SCLY: variants seen among roughly 807,000 people sequenced by gnomAD.
The protein encoded by SCLY is putative selenocysteine lyase.
SCLY carries 38 observed loss-of-function variants against 50.1 expected under a neutral mutation model. The ratio of observed to expected loss-of-function variants is 0.76; its 90% CI spans 0.59 to 0.99. SCLY has a LOEUF of 0.99. Among genes scored for constraint, SCLY ranks in the 50% least tolerant of loss-of-function variants. The probability of loss-of-function intolerance (pLI) is 0.00; values close to 1 mark genes in which losing one functional copy is unlikely to be tolerated. For missense variants in SCLY, 600 were observed against 620.0 expected, an observed-to-expected ratio of 0.97 and a Z score of 0.34; for synonymous variants, 243 against 249.4, an observed-to-expected ratio of 0.97 and a Z score of 0.24.
chr2:238,074,723 T>TC (rs1299272718), intron 4 of SCLY, among the ~76,000 whole-genome samples: 2 of 152,120 alleles, frequency 1.3e-5, no homozygotes, highest in Admixed American at 1.3e-4. Flanking sequence ...CCTCAGGTGA[T>TC]CCCCCCGACT....
In SCLY at chr2:238,098,624, C is replaced by T. The variant is rs1375310498; in HGVS notation, c.*269C>T. On this transcript the variant is annotated 3_prime_UTR_variant, in exon 12 of 12. Transcript: ENST00000254663. The stretch of plus-strand genomic sequence containing the variant: ...CCACATAGGACCGCCCACATGGGAC[C>T]GCCCACATGGGACCGCCCACATGGG... 2.9e-6 allele frequency: 1 copy of T among 349,536 alleles called. No individual in the cohort carries two copies. The highest frequency in any genetic ancestry group is 5.3e-6 in the Non-Finnish European group (1 of 187,142). The allele number at this position is 349,536 out of a possible 1,614,324, so 21.7% of individuals were successfully genotyped here.
chr2:238,089,647 G>A (rs909323118), intron 7 of SCLY, among the ~76,000 whole-genome samples: 6 of 105,690 alleles, frequency 5.7e-5, no homozygotes, highest in African/African-American at 6.8e-5. Flanking sequence ...TTTTTTTTGC[G>A]ATTTTTTTTT....
At position 238,094,511 on chromosome 2, in the gene SCLY, C is replaced by G. The variant is rs558501161; in HGVS notation, c.1097C>G (p.Pro366Arg). 3.5e-5 allele frequency: 57 copies of G among 1,613,936 alleles called. No homozygotes were observed. Among genetic ancestry groups the G allele is most frequent in the Non-Finnish European group, 4.2e-5 (49 of 1,179,936 alleles). ...ACCTGTAACTTTTCCATCCGGGGACCCCGGCTTCAAGGTGATGGCCCCTCA... is the reference window on the plus strand; with the variant it reads ...ACCTGTAACTTTTCCATCCGGGGACGCCGGCTTCAAGGTGATGGCCCCTCA... ...PNTCNFSIRG[P>R]RLQGHVVLAQ... Residue 366 changes from proline to arginine, a missense_variant, in exon 10 of 12, where the codon CCC becomes CGC. By Grantham distance (103) the Pro-to-Arg change is moderately radical (BLOSUM62 -2). Transcript: ENST00000254663.
chr2:238,081,932 C>T (rs996089952), intron 5 of SCLY, 96 bp downstream of exon 5: 6 of 1,574,676 alleles, frequency 3.8e-6, no homozygotes, highest in South Asian at 2.3e-5. Flanking sequence ...TGGCCTCTCC[C>T]GTTTCTCTGT....
At chr2:238,091,559 A>T in intron 8 of SCLY, 49 of 322,428 alleles carry the variant, frequency 1.5e-4, no homozygotes, top group South Asian at 3.4e-4. Flanking sequence ...CCATTCCCAA[A>T]GGCGTCGGCA....
rs1691383490 is a variant in SCLY, at chr2:238,099,118, A to T, written c.*763A>T. 1 of 269,124 alleles carries T rather than the reference A, an allele frequency of 3.7e-6. No individual in the cohort carries two copies. Among genetic ancestry groups the T allele is most frequent in the African/African-American group, 6.4e-5 (1 of 15,720 alleles). The allele number at this position is 269,124 out of a possible 1,614,324, so 16.7% of individuals were successfully genotyped here. The stretch of plus-strand genomic sequence containing the variant: ...TCCTGTCTTGTCCCTTTTGATCATT[A>T]TTAACTCAGGGTTTCAGCTCCAACC... On this transcript the variant is annotated 3_prime_UTR_variant, in exon 12 of 12. Coordinates refer to ENST00000254663, the MANE Select transcript of SCLY (RefSeq NM_016510.7).
At chr2:238,090,352 A>C (rs886670976) in intron 7 of SCLY, among the ~76,000 whole-genome samples, 4 of 152,192 alleles carry the variant, frequency 2.6e-5, no homozygotes, top group African/African-American at 9.6e-5. Context: ...TGTTCAGGCA[A>C]ACTTAAGAAA....
At chr2:238,064,213 T>TCATTTA in intron 1 of SCLY, 144 bp from the exon 2 acceptor site, 1 of 411,864 alleles carries the variant, frequency 2.4e-6, no homozygotes, top group South Asian at 6.7e-5. Flanking sequence ...AAGTGCAGCT[T>TCATTTA]GTGGATGCCT....
intron 4 of SCLY, among the ~76,000 whole-genome samples, chr2:238,077,547 A>G (rs1295786243): frequency 6.6e-6 from 1 of 152,228 alleles, no homozygotes; most frequent in African/African-American, 2.4e-5. Context: ...CCAGGAGGTA[A>G]GACCACCTCA....
intron 1 of SCLY, among the ~76,000 whole-genome samples, chr2:238,062,053 G>A (rs2065023863): frequency 6.6e-6 from 1 of 152,206 alleles, no homozygotes; most frequent in Non-Finnish European, 1.5e-5. Flanking sequence ...AGTGGAGCGA[G>A]ATTCCCAAGA....
In SCLY at chr2:238,099,296, C is replaced by T; in HGVS notation, c.*941C>T. The T allele has an allele frequency of 2.1e-6, 1 of 471,780 alleles. No individual in the cohort carries two copies. The highest frequency in any genetic ancestry group is 4.4e-6 in the Non-Finnish European group (1 of 227,182). 29.2% of individuals were successfully genotyped at this position (471,780 alleles called of 1,614,324 possible). ...CACATGTCGATATTTGCATAGGAGT[C>T]ATTTTCAGTGGAATAACATTTTTAA... is the stretch of plus-strand genomic sequence containing the variant. On this transcript the variant is annotated 3_prime_UTR_variant, in exon 12 of 12. Coordinates refer to ENST00000254663, the MANE Select transcript of SCLY (RefSeq NM_016510.7).
chr2:238,087,141 A>G (rs1407146846), intron 7 of SCLY, among the ~76,000 whole-genome samples: 3 of 149,868 alleles, frequency 2.0e-5, no homozygotes, highest in Non-Finnish European at 4.4e-5. Flanking sequence ...CCTGAGCAAC[A>G]TGGTGAAATC....
chr2:238,094,819 G>A (rs534723789), intron 10 of SCLY: 229 of 390,880 alleles, frequency 5.9e-4, no homozygotes, highest in African/African-American at 2.0e-3. Flanking sequence ...GTCAGGGAAG[G>A]AAGCAACATT....
intron 2 of SCLY, among the ~76,000 whole-genome samples, chr2:238,065,419 A>G (rs949987282): frequency 6.6e-6 from 1 of 152,150 alleles, no homozygotes; most frequent in Non-Finnish European, 1.5e-5. Flanking sequence ...GCATTGTCTC[A>G]TGAAAAAGTC....
chr2:238,088,103 AAAG>A (rs2065318941), intron 7 of SCLY, among the ~76,000 whole-genome samples: 1 of 152,206 alleles, frequency 6.6e-6, no homozygotes, highest in Non-Finnish European at 1.5e-5. Context: ...TCAAAAAAAT[AAAG>A]AATGATACAC....
intron 2 of SCLY, among the ~76,000 whole-genome samples, chr2:238,065,660 T>TTTTTTTTTA (rs71402758): frequency 5.6e-5 from 8 of 143,514 alleles, no homozygotes; most frequent in Admixed American, 3.5e-4. Context: ...AATATTTTAT[T>TTTTTTTTTA]TTATTATTAT....
At chr2:238,061,388 G>T in intron 1 of SCLY, 1 of 669,354 alleles carries the variant, frequency 1.5e-6, no homozygotes, top group Admixed American at 2.1e-5. Flanking sequence ...TTCCAGGGGT[G>T]AGGTTTGCAG....
intron 8 of SCLY, chr2:238,091,539 TGCAGG>T: frequency 1.7e-5 from 7 of 401,098 alleles, no homozygotes; most frequent in South Asian, 3.2e-5. Flanking sequence ...AGTGTCAAGC[TGCAGG>T]TTCACCATTC....
At chr2:238,065,317 A>G (rs1230395433) in intron 2 of SCLY, among the ~76,000 whole-genome samples, 1 of 152,208 alleles carries the variant, frequency 6.6e-6, no homozygotes, top group Non-Finnish European at 1.5e-5. Context: ...TCTTCTGCAC[A>G]TTGCCTCGTA....
Sources: gnomAD v4.1 joint callset for allele counts (sites outside exome capture counted in the v4.1 genomes callset) on GRCh38, gnomAD v4.1.1 for gene constraint, MANE v1.5 for transcripts, NCBI Gene and HGNC (gene_info 2026-07-23, HGNC 2026-07-21) for gene names.